Variants in ZNF431 observed in about 807,000 individuals in gnomAD.
The protein encoded by ZNF431 is zinc finger protein 431.
A neutral mutation model predicts 57.0 loss-of-function variants in ZNF431; 34 were observed. The ratio of observed to expected loss-of-function variants is 0.60; its 90% CI spans 0.45 to 0.79. The LOEUF (loss-of-function observed/expected upper bound fraction) is 0.79, where lower values mean the gene tolerates loss of function less well. ZNF431 is among the 30% of genes least tolerant of loss of function. The probability of loss-of-function intolerance (pLI) is 0.00; values close to 1 mark genes in which losing one functional copy is unlikely to be tolerated. For synonymous variants in ZNF431, 207 were observed against 220.3 expected, an observed-to-expected ratio of 0.94 and a Z score of 0.54; for missense variants, 607 against 667.1, an observed-to-expected ratio of 0.91 and a Z score of 0.99.
chr19:21,174,679 C>T (rs1178512789), intron 4 of ZNF431, among the ~76,000 whole-genome samples: 1 of 152,174 alleles, frequency 6.6e-6, no homozygotes, highest in South Asian at 2.1e-4. Flanking sequence ...CTCTTATAGA[C>T]AGCAAATTGT....
At chr19:21,174,072 A>G (rs965272341) in intron 4 of ZNF431, among the ~76,000 whole-genome samples, 2 of 151,636 alleles carry the variant, frequency 1.3e-5, no homozygotes, top group African/African-American at 2.4e-5. Context: ...CAGCCTCCTG[A>G]GTAGCTGGGA....
intron 2 of ZNF431, among the ~76,000 whole-genome samples, chr19:21,163,205 A>G (rs527915549): frequency 1.8e-3 from 271 of 152,052 alleles, no homozygotes; most frequent in South Asian, 7.3e-3. Context: ...ACATGTTTAC[A>G]TGTTGTTTTT....
At chr19:21,174,564 A>G (rs1189540436) in intron 4 of ZNF431, among the ~76,000 whole-genome samples, 1 of 152,174 alleles carries the variant, frequency 6.6e-6, no homozygotes, top group Non-Finnish European at 1.5e-5. Context: ...ATTATATACA[A>G]TATAATTATT....
At chr19:21,142,221 G>A (rs1042069771) in intron 1 of ZNF431, 35 bp downstream of exon 1, 2 of 1,613,032 alleles carry the variant, frequency 1.2e-6, no homozygotes, top group Non-Finnish European at 1.7e-6. Flanking sequence ...CGAGAGAGGG[G>A]AAGGGCTGGT....
chr19:21,163,642 C>T (rs1441644953), intron 2 of ZNF431, among the ~76,000 whole-genome samples: 2 of 152,224 alleles, frequency 1.3e-5, no homozygotes, highest in East Asian at 3.9e-4. Context: ...CTGCCTCAGC[C>T]TCCTGAGTAG....
At chr19:21,147,642 G>C (rs1302383054) in intron 2 of ZNF431, among the ~76,000 whole-genome samples, 1 of 151,264 alleles carries the variant, frequency 6.6e-6, no homozygotes, top group Non-Finnish European at 1.5e-5. Context: ...AGGAAATTTG[G>C]TTAGCTCTGT....
At position 21,142,206 on chromosome 19, in the gene ZNF431, C is replaced by A; in HGVS notation, c.3+20C>A. 1 of 1,613,098 alleles carries A rather than the reference C, an allele frequency of 6.2e-7. No homozygotes were observed. The highest frequency in any genetic ancestry group is 8.5e-7 in the Non-Finnish European group (1 of 1,179,316). On this transcript the variant is annotated intron_variant, in intron 1 of 4. Transcript: ENST00000311048. ...GAAATGGTGAGAGTGCCGGGTCGGA[C>A]ATCCCGAGAGAGGGGAAGGGCTGGT... is the stretch of plus-strand genomic sequence containing the variant.
intron 2 of ZNF431, among the ~76,000 whole-genome samples, chr19:21,151,565 C>T (rs1173620139): frequency 3.3e-5 from 5 of 152,064 alleles, no homozygotes; most frequent in Non-Finnish European, 5.9e-5. Context: ...TTCCCTAAGC[C>T]GGGAATTGAA....
At chr19:21,158,436 G>C (rs909808507) in intron 2 of ZNF431, among the ~76,000 whole-genome samples, 3 of 152,118 alleles carry the variant, frequency 2.0e-5, no homozygotes, top group Admixed American at 2.0e-4. Context: ...CTGACCTCAT[G>C]ATCCGCCCAC....
Position 21,142,064 on chromosome 19 carries a change from A to G in ZNF431, c.-120A>G, listed in dbSNP as rs1019830489. 12 of 1,339,418 alleles carry G rather than the reference A, an allele frequency of 9.0e-6. No homozygotes were observed. The highest frequency in any genetic ancestry group is 7.0e-5 in the East Asian group (3 of 42,990). The allele number at this position is 1,339,418 out of a possible 1,614,324, so 83.0% of individuals were successfully genotyped here. A position where few individuals can be genotyped will look rare whatever the true frequency, so the allele number is the denominator to read the frequency against. On this transcript the variant is annotated 5_prime_UTR_variant, in exon 1 of 5. Transcript: ENST00000311048. The stretch of plus-strand genomic sequence containing the variant: ...TGTCTCTCGCCGCAGCCTGAGCTCC[A>G]GGTCTCCCCTTCGCTGCTCTGTGTC...
At chr19:21,149,081 C>T (rs992370731) in intron 2 of ZNF431, among the ~76,000 whole-genome samples, 5 of 152,202 alleles carry the variant, frequency 3.3e-5, no homozygotes, top group Admixed American at 2.0e-4. Context: ...AAACATCCCT[C>T]TTTTTAAATA....
intron 2 of ZNF431, among the ~76,000 whole-genome samples, chr19:21,146,621 A>G (rs988417210): frequency 6.6e-6 from 1 of 152,068 alleles, no homozygotes; most frequent in Non-Finnish European, 1.5e-5. Context: ...CTGTCATGAC[A>G]CTTGTGGGAG....
At chr19:21,162,472 A>G (rs112344215) in intron 2 of ZNF431, among the ~76,000 whole-genome samples, 1 of 151,852 alleles carries the variant, frequency 6.6e-6, no homozygotes, top group African/African-American at 2.4e-5. Flanking sequence ...GTACCCGGCA[A>G]TTTTTGTATC....
In ZNF431 at chr19:21,189,503, T is replaced by C. The variant is rs1311246060; in HGVS notation, c.*5469T>C. 6.3e-6 allele frequency: 1 copy of C among 158,770 alleles called. No individual in the cohort carries two copies. Among genetic ancestry groups the C allele is most frequent in the Non-Finnish European group, 1.4e-5 (1 of 72,524 alleles). 9.8% of individuals were successfully genotyped at this position (158,770 alleles called of 1,614,324 possible). Reference sequence around the variant, plus strand: ...AAAAAAAAAAAAACTTTACCTCATATGGTGAACATTTTTGTTTTGAGACCA... The same window carrying C: ...AAAAAAAAAAAAACTTTACCTCATACGGTGAACATTTTTGTTTTGAGACCA... On this transcript the variant is annotated 3_prime_UTR_variant, in exon 5 of 5. Transcript: ENST00000311048.
intron 2 of ZNF431, among the ~76,000 whole-genome samples, chr19:21,146,366 T>G (rs1349903129): frequency 7.1e-6 from 1 of 141,052 alleles, no homozygotes; most frequent in Non-Finnish European, 1.5e-5. Context: ...GCCGAGACCG[T>G]GCCACTGCAC....
intron 2 of ZNF431, chr19:21,149,685 T>G: frequency 1.7e-6 from 1 of 580,858 alleles, no homozygotes; most frequent in African/African-American, 1.8e-5. Context: ...AGTCTTTGCC[T>G]TTTTGAGCTT....
intron 4 of ZNF431, among the ~76,000 whole-genome samples, chr19:21,180,635 A>G (rs907833663): frequency 2.0e-5 from 3 of 152,198 alleles, no homozygotes; most frequent in East Asian, 3.9e-4. Context: ...AGATACAACA[A>G]TGTATTTTAA....
intron 3 of ZNF431, 65 bp from the exon 4 acceptor site, chr19:21,167,506 A>G (rs1568306450): frequency 1.7e-6 from 2 of 1,185,028 alleles, no homozygotes; most frequent in African/African-American, 1.6e-5. Flanking sequence ...TTTACTGAGC[A>G]CAGTACTAGG....
At position 21,188,456 on chromosome 19, in the gene ZNF431, G is replaced by T. The variant is rs1295879300; in HGVS notation, c.*4422G>T. The T allele has an allele frequency of 1.3e-5, 2 of 152,088 alleles. No individual in the cohort carries two copies. The highest frequency in any genetic ancestry group is 4.8e-5 in the African/African-American group (2 of 41,418). 9.4% of individuals were successfully genotyped at this position (152,088 alleles called of 1,614,324 possible). A position where few individuals can be genotyped will look rare whatever the true frequency, so the allele number is the denominator to read the frequency against. On this transcript the variant is annotated 3_prime_UTR_variant, in exon 5 of 5. Coordinates refer to ENST00000311048, the MANE Select transcript of ZNF431 (RefSeq NM_133473.4). ...AACAATTTTAAAGTTAATTTTCTAT[G>T]ATATACTTACAGCACAACTTATATT...
Sources: allele counts gnomAD v4.1 joint callset (sites outside exome capture counted in the v4.1 genomes callset), GRCh38; gene constraint gnomAD v4.1.1; transcripts MANE v1.5; gene names NCBI Gene and HGNC (gene_info 2026-07-23, HGNC 2026-07-21).